The following HNF4A variants were observed in gnomAD, a reference collection of about 807,000 sequenced individuals.
HNF4A encodes hepatocyte nuclear factor 4 alpha.
Under a neutral mutation model 52.4 loss-of-function variants are expected in HNF4A, and 15 were observed. The observed-to-expected ratio is 0.29, with a 90% CI of 0.19 to 0.44. The LOEUF is 0.44. Ranked by LOEUF, HNF4A falls within the 20% of genes least tolerant of loss-of-function variation. HNF4A has a pLI of 1.00. For synonymous variants in HNF4A, 280 were observed against 264.4 expected (o/e 1.06, Z -0.57); for missense variants, 479 against 647.2 (o/e 0.74, Z 2.82).
chr20:44,381,182 T>C (rs2063148529), intron 1 of HNF4A, among the ~76,000 whole-genome samples: 1 of 152,196 alleles, frequency 6.6e-6, no homozygotes, highest in African/African-American at 2.4e-5. Context: ...AATTGTATTT[T>C]ATAGAAAGAT....
chr20:44,414,994 A>G lies in HNF4A; in HGVS notation c.648+332A>G, dbSNP rs549649320. Among the ~76,000 whole-genome samples the G allele has an allele frequency of 2.6e-5, 4 of 152,288 alleles. No homozygotes were observed. In the South Asian group the frequency reaches 8.3e-4, roughly 32 times the overall value. On this transcript the variant is annotated intron_variant, in intron 5 of 9. Coordinates refer to ENST00000316099, the MANE Select transcript of HNF4A (RefSeq NM_000457.6). Reference sequence around the variant, plus strand: ...GGATTAGAACCTGGCAGGAAGCTCCAAAGTCCAAGCTCCTGACCATTGTAC... The same window carrying G: ...GGATTAGAACCTGGCAGGAAGCTCCGAAGTCCAAGCTCCTGACCATTGTAC...
At chr20:44,404,488 CTGTGTATG>C (rs2063454879) in intron 1 of HNF4A, among the ~76,000 whole-genome samples, 1 of 150,438 alleles carries the variant, frequency 6.6e-6, no homozygotes, top group Non-Finnish European at 1.5e-5. Flanking sequence ...GTGTGTGTGT[CTGTGTATG>C]TGTGTATGTT....
intron 1 of HNF4A, among the ~76,000 whole-genome samples, chr20:44,360,874 T>G (rs545987564): frequency 1.2e-3 from 178 of 152,306 alleles, no homozygotes; most frequent in African/African-American, 4.0e-3. Flanking sequence ...TGGTCCTCAG[T>G]TTCTTCACCC....
chr20:44,390,788 C>A (rs2063293418), intron 1 of HNF4A: 6 of 636,936 alleles, frequency 9.4e-6, no homozygotes, highest in African/African-American at 1.8e-5. Flanking sequence ...AGGATTTGTA[C>A]CCTCATCCCC....
upstream of HNF4A, among the ~76,000 whole-genome samples, chr20:44,399,187 T>A (rs909069849): frequency 6.6e-5 from 10 of 151,116 alleles, no homozygotes; most frequent in African/African-American, 2.4e-4. Flanking sequence ...GTATTTGGTC[T>A]CTTTCAGCCC....
intron 8 of HNF4A, 44 bp from the exon 9 acceptor site, chr20:44,428,291 T>G: frequency 6.2e-7 from 1 of 1,610,126 alleles, no homozygotes; most frequent in Non-Finnish European, 8.5e-7. Flanking sequence ...GCCTGAGGTC[T>G]GCATCCCAGA....
rs373591956 is a variant in HNF4A at position 44,401,411 on chromosome 20, C to T, written c.39C>T (p.Ala13=). Residue 13 remains alanine, a synonymous_variant, in exon 1 of 10, where the codon GCC becomes GCT. Transcript: ENST00000316099. The stretch of plus-strand genomic sequence containing the variant: ...AAACCCTCGTCGACATGGACATGGC[C>T]GACTACAGTGCTGCACTGGACCCAG... 6 of 1,614,078 alleles carry T rather than the reference C, an allele frequency of 3.7e-6. No homozygotes were observed. Among genetic ancestry groups the T allele is most frequent in the Admixed American group, 1.7e-5 (1 of 60,022 alleles).
At chr20:44,377,719 A>T (rs1038559547) in intron 1 of HNF4A, 2 of 152,184 alleles carry the variant, frequency 1.3e-5, no homozygotes, top group African/African-American at 4.8e-5. Context: ...AAGTTGAAAT[A>T]ACAAAAAATA....
intron 1 of HNF4A, among the ~76,000 whole-genome samples, chr20:44,379,394 A>G (rs1187201003): frequency 6.6e-6 from 1 of 152,066 alleles, no homozygotes; most frequent in Non-Finnish European, 1.5e-5. Context: ...CAGAAGCTGC[A>G]CTATTTTACG....
intron 1 of HNF4A, among the ~76,000 whole-genome samples, chr20:44,356,159 G>A (rs758562009): frequency 4.6e-4 from 70 of 152,326 alleles, no homozygotes; most frequent in Non-Finnish European, 8.1e-4. Context: ...CCCACAGAGG[G>A]TGGGGCTTGG....
intron 3 of HNF4A, among the ~76,000 whole-genome samples, chr20:44,408,905 C>T (rs1568725655): frequency 6.6e-6 from 1 of 151,976 alleles, no homozygotes; most frequent in Non-Finnish European, 1.5e-5. Flanking sequence ...TCACCCCCAT[C>T]ACCCCAGCAC....
Position 44,426,241 on chromosome 20 carries a change from G to C in HNF4A, c.1129+1987G>C, listed in dbSNP as rs527362150. 5.3e-5 allele frequency among the ~76,000 whole-genome samples: 8 copies of C among 152,192 alleles called. No individual in the cohort carries two copies. In the East Asian group the frequency reaches 1.5e-3, roughly 29 times the overall value. ...AGAAAGAAGCGGGGAAGAAAGGAGAGGTGAAGAGAGGAGGGGAAGAGAGAG... is the reference window on the plus strand; with the variant it reads ...AGAAAGAAGCGGGGAAGAAAGGAGACGTGAAGAGAGGAGGGGAAGAGAGAG... On this transcript the variant is annotated intron_variant, in intron 8 of 9. Transcript: ENST00000316099.
chr20:44,429,779 A>C lies in HNF4A; in HGVS notation c.*114A>C. 9.1e-7 allele frequency: 1 copy of C among 1,093,364 alleles called. No individual in the cohort carries two copies. 67.7% of individuals were successfully genotyped at this position (1,093,364 alleles called of 1,614,324 possible). A position where few individuals can be genotyped will look rare whatever the true frequency, so the allele number is the denominator to read the frequency against. On this transcript the variant is annotated 3_prime_UTR_variant, in exon 10 of 10. Coordinates refer to ENST00000316099, the MANE Select transcript of HNF4A (RefSeq NM_000457.6). ...GTGATGCCAGGACCAGTCCCAGAGC[A>C]GGAATGGGAAGGATGAAGGGCCCGA...
chr20:44,362,614 G>T (rs942848437), intron 1 of HNF4A, among the ~76,000 whole-genome samples: 2 of 151,960 alleles, frequency 1.3e-5, no homozygotes, highest in Admixed American at 6.6e-5. Context: ...TTTAAGCCTT[G>T]CAATAACCCA....
chr20:44,413,892 G>C (rs1028998016), intron 4 of HNF4A, 92 bp downstream of exon 4: 4 of 867,218 alleles, frequency 4.6e-6, no homozygotes, highest in African/African-American at 1.7e-5. Context: ...CCAGGCCCTG[G>C]AGCAGCTGAC....
At chr20:44,422,460 A>G (rs2063759430) in intron 7 of HNF4A, among the ~76,000 whole-genome samples, 1 of 152,136 alleles carries the variant, frequency 6.6e-6, no homozygotes, top group Admixed American at 6.6e-5. Flanking sequence ...AGCCCACTAG[A>G]AATGTGGGTG....
At chr20:44,418,293 A>T (rs2063694126) in intron 5 of HNF4A, 132 bp from the exon 6 acceptor site, 2 of 780,674 alleles carry the variant, frequency 2.6e-6, no homozygotes, top group African/African-American at 1.7e-5. Context: ...TAGTTTTATG[A>T]TGCCCATTTC....
intron 3 of HNF4A, among the ~76,000 whole-genome samples, chr20:44,412,464 C>T (rs541437105): frequency 9.1e-4 from 139 of 152,138 alleles, no homozygotes; most frequent in African/African-American, 3.1e-3. Context: ...CGTGCGGATG[C>T]GTCCAGGTGG....
rs2063880093 is a variant in HNF4A, at chr20:44,431,735, G to A, written c.*2070G>A. The A allele has an allele frequency of 6.6e-6, 1 of 152,272 alleles. No homozygotes were observed. The highest frequency in any genetic ancestry group is 1.5e-5 in the Non-Finnish European group (1 of 68,090). 9.4% of individuals were successfully genotyped at this position (152,272 alleles called of 1,614,324 possible). A position where few individuals can be genotyped will look rare whatever the true frequency, so the allele number is the denominator to read the frequency against. ...GGTGTGATTAGGTAGGAGGGAAACT[G>A]TTGGACCGACTCCTGCCCCCTGCTC... On this transcript the variant is annotated 3_prime_UTR_variant, in exon 10 of 10. Coordinates refer to ENST00000316099, the MANE Select transcript of HNF4A (RefSeq NM_000457.6).
Sources: gnomAD v4.1 joint callset for allele counts (sites outside exome capture counted in the v4.1 genomes callset) on GRCh38, gnomAD v4.1.1 for gene constraint, MANE v1.5 for transcripts, NCBI Gene and HGNC (gene_info 2026-07-23, HGNC 2026-07-21) for gene names.